Variants in LRPPRC observed in about 807,000 individuals in gnomAD.
LRPPRC encodes leucine rich pentatricopeptide repeat containing, also known as leucine-rich PPR motif-containing protein, mitochondrial.
In LRPPRC, 120 loss-of-function variants were observed where a neutral mutation model predicts 180.3. The ratio of observed to expected loss-of-function variants is 0.67; its 90% CI spans 0.57 to 0.77. LRPPRC has a LOEUF of 0.77. Ranked by LOEUF, LRPPRC falls within the 30% of genes least tolerant of loss-of-function variation. The pLI, the probability that LRPPRC is intolerant of heterozygous loss-of-function variation, is 0.00. For synonymous variants in LRPPRC, 723 were observed against 600.0 expected, an observed-to-expected ratio of 1.21 and a Z score of -3.00; for missense variants, 2,012 against 1,657.2, an observed-to-expected ratio of 1.21 and a Z score of -3.72.
intron 32 of LRPPRC, among the ~76,000 whole-genome samples, chr2:43,900,919 C>A (rs774773951): frequency 6.6e-6 from 1 of 152,042 alleles, no homozygotes; most frequent in Non-Finnish European, 1.5e-5. Context: ...AATATGAATA[C>A]GGAAATGCAC....
intron 11 of LRPPRC, among the ~76,000 whole-genome samples, chr2:43,967,879 T>C (rs1673631671): frequency 6.6e-6 from 1 of 152,150 alleles, no homozygotes; most frequent in Non-Finnish European, 1.5e-5. Flanking sequence ...ATAACTACCA[T>C]AAAAGATGGC....
intron 14 of LRPPRC, among the ~76,000 whole-genome samples, chr2:43,955,271 C>T (rs1277135531): frequency 1.3e-5 from 2 of 151,878 alleles, no homozygotes; most frequent in Non-Finnish European, 2.9e-5. Context: ...AGTTCAAGAC[C>T]AGCCTGGGCA....
At chr2:43,934,645 G>A (rs1274908874) in intron 24 of LRPPRC, 109 bp downstream of exon 24, 5 of 898,292 alleles carry the variant, frequency 5.6e-6, no homozygotes, top group Non-Finnish European at 8.8e-6. Context: ...TATAAAGAAA[G>A]TTTATCTGAA....
At chr2:43,981,166 T>C (rs1285306973) in intron 2 of LRPPRC, among the ~76,000 whole-genome samples, 3 of 151,708 alleles carry the variant, frequency 2.0e-5, no homozygotes, top group Non-Finnish European at 4.4e-5. Context: ...CATCAGGCAT[T>C]AGTGACTCAA....
intron 36 of LRPPRC, chr2:43,890,409 TAC>T (rs891974362): frequency 2.2e-6 from 1 of 463,088 alleles, no homozygotes; most frequent in Non-Finnish European, 4.5e-6. Context: ...GCTACAATGA[TAC>T]ACACACACAA....
At chr2:43,992,473 T>C (rs1291314870) in intron 1 of LRPPRC, among the ~76,000 whole-genome samples, 1 of 146,810 alleles carries the variant, frequency 6.8e-6, no homozygotes, top group Non-Finnish European at 1.5e-5. Context: ...CAGAGGCAAC[T>C]CCAGCTCATA....
chr2:43,950,532 G>A lies in LRPPRC; in HGVS notation c.1677+41C>T, dbSNP rs199617939. On this transcript the variant is annotated intron_variant, in intron 15 of 37. Transcript: ENST00000260665. Reference sequence around the variant, plus strand: ...ATAACCTATGGTATTGGCTTGTAACGTTAAAAGCACCTTATGATTTGCAAT... The same window carrying A: ...ATAACCTATGGTATTGGCTTGTAACATTAAAAGCACCTTATGATTTGCAAT... The A allele has an allele frequency of 5.0e-5, 79 of 1,567,140 alleles. No homozygotes were observed. In the East Asian group the frequency reaches 7.2e-4, roughly 14 times the overall value.
Position 43,975,236 on chromosome 2 carries a change from A to G in LRPPRC, c.738-19T>C. On this transcript the variant is annotated intron_variant, in intron 6 of 37. Transcript: ENST00000260665. ...CATATCACTACAAGTTAATTCAAAA[A>G]ACAGATTATTATGCTTTTGCCAAAT... The G allele has an allele frequency of 6.2e-7, 1 of 1,609,018 alleles. No individual in the cohort carries two copies.
At chr2:43,890,340 C>T (rs1207711831) in intron 36 of LRPPRC, 3 of 470,128 alleles carry the variant, frequency 6.4e-6, no homozygotes, top group South Asian at 1.6e-5. Flanking sequence ...ATCAGCTCAA[C>T]ATCAAAAAAG....
intron 11 of LRPPRC, among the ~76,000 whole-genome samples, chr2:43,966,378 G>A (rs1246449671): frequency 6.6e-6 from 1 of 151,812 alleles, no homozygotes; most frequent in Non-Finnish European, 1.5e-5. Context: ...CTTGATATTT[G>A]CTGAGAGAGT....
chr2:43,892,232 T>C (rs1000452711), intron 36 of LRPPRC, among the ~76,000 whole-genome samples: 3 of 152,354 alleles, frequency 2.0e-5, no homozygotes, highest in Middle Eastern at 3.4e-3. Flanking sequence ...AACAGTCTTA[T>C]ATTAGAAGAT....
chr2:43,953,517 A>G (rs1672986909), intron 14 of LRPPRC, among the ~76,000 whole-genome samples: 1 of 152,200 alleles, frequency 6.6e-6, no homozygotes, highest in Non-Finnish European at 1.5e-5. Flanking sequence ...ACATATTTAA[A>G]CATTTTATCT....
In LRPPRC at chr2:43,982,362, A is replaced by C. The variant is rs554391739; in HGVS notation, c.222T>G (p.Phe74Leu). Residue 74 changes from phenylalanine to leucine, a missense_variant, in exon 2 of 38, where the codon TTT becomes TTG. By Grantham distance (22) the Phe-to-Leu change is conservative. Coordinates refer to ENST00000260665, the MANE Select transcript of LRPPRC (RefSeq NM_133259.4). Reference sequence around the variant, plus strand: ...ACTGATTGGAAATCTTCCTAGAAGAAAAAGTGGACTCCTCTTGAATATCTT... The same window carrying C: ...ACTGATTGGAAATCTTCCTAGAAGACAAAGTGGACTCCTCTTGAATATCTT... ...KEKDIQEEST[F>L]SSRKISNQFD... 1.4e-5 allele frequency: 23 copies of C among 1,614,078 alleles called. No homozygotes were observed. The Admixed American group carries it at 2.5e-4, about 18-fold the overall frequency.
intron 27 of LRPPRC, 134 bp downstream of exon 27, chr2:43,924,933 C>A: frequency 1.4e-6 from 1 of 695,520 alleles, no homozygotes; most frequent in South Asian, 1.6e-5. Context: ...TTCAATCTAG[C>A]CTCTACCTGA....
At chr2:43,918,828 T>C (rs920416965) in intron 27 of LRPPRC, among the ~76,000 whole-genome samples, 3 of 146,980 alleles carry the variant, frequency 2.0e-5, no homozygotes, top group Admixed American at 2.0e-4. Flanking sequence ...TATATCTATA[T>C]ATAGATATCT....
At chr2:43,942,188 T>A (rs995679901) in intron 23 of LRPPRC, among the ~76,000 whole-genome samples, 24 of 152,178 alleles carry the variant, frequency 1.6e-4, no homozygotes, top group African/African-American at 5.5e-4. Flanking sequence ...GTAAGATACT[T>A]TTCTACGATG....
chr2:43,928,601 G>C (rs1671973281), intron 25 of LRPPRC, among the ~76,000 whole-genome samples: 1 of 152,012 alleles, frequency 6.6e-6, no homozygotes, highest in Non-Finnish European at 1.5e-5. Context: ...ACAAAGACAA[G>C]AATGCTGGAG....
chr2:43,924,781 G>C (rs989498419), intron 27 of LRPPRC, among the ~76,000 whole-genome samples: 1 of 152,130 alleles, frequency 6.6e-6, no homozygotes. Context: ...AGAACAGAAA[G>C]ACCGTTCTTA....
At chr2:43,933,744 T>C (rs754046148) in intron 25 of LRPPRC, among the ~76,000 whole-genome samples, 5 of 152,220 alleles carry the variant, frequency 3.3e-5, no homozygotes, top group South Asian at 2.1e-4. Flanking sequence ...TGCCAAACAG[T>C]TGCAGACAGC....
Sources: gnomAD v4.1 joint callset for allele counts (sites outside exome capture counted in the v4.1 genomes callset) on GRCh38, gnomAD v4.1.1 for gene constraint, MANE v1.5 for transcripts, NCBI Gene and HGNC (gene_info 2026-07-23, HGNC 2026-07-21) for gene names.